The following CDH18 variants were observed in gnomAD, a reference collection of about 807,000 sequenced individuals.
CDH18 encodes the protein cadherin 18.
CDH18 carries 31 observed loss-of-function variants against 67.9 expected under a neutral mutation model. That is an observed-to-expected ratio of 0.46 (90% confidence interval 0.34 to 0.62). The LOEUF (loss-of-function observed/expected upper bound fraction) is 0.62, where lower values mean the gene tolerates loss of function less well. Among genes scored for constraint, CDH18 ranks in the 20% least tolerant of loss-of-function variants. CDH18 has a pLI of 0.01. For missense variants in CDH18, 890 were observed against 975.5 expected (o/e 0.91, Z 1.17); for synonymous variants, 362 against 347.2 (o/e 1.04, Z -0.48).
chr5:20,064,752 C>A (rs555214151), intron 2 of CDH18, among the ~76,000 whole-genome samples: 175 of 152,090 alleles, frequency 1.2e-3, no homozygotes, highest in Admixed American at 1.8e-3. Context: ...CAGTATTAAA[C>A]AGAACAGTGT....
chr5:19,807,130 A>G (rs1778124496), intron 3 of CDH18, among the ~76,000 whole-genome samples: 1 of 152,176 alleles, frequency 6.6e-6, no homozygotes, highest in African/African-American at 2.4e-5. Flanking sequence ...TCAAGAACAC[A>G]TGGATGCAGG....
chr5:20,262,336 A>G (rs1226213720), intron 1 of CDH18, among the ~76,000 whole-genome samples: 3 of 152,224 alleles, frequency 2.0e-5, no homozygotes, highest in Non-Finnish European at 4.4e-5. Context: ...TAACTAGGTC[A>G]GTCCTCTTCA....
At chr5:19,676,407 G>A (rs2100094) in intron 5 of CDH18, among the ~76,000 whole-genome samples, 5,165 of 152,060 alleles carry the variant, frequency 0.034, 278 homozygotes, top group African/African-American at 0.12. Context: ...GGCAGGAGCA[G>A]GGCAGGAGAG....
rs886505964 is a variant in CDH18, at chr5:20,423,872, G to A, written c.-580+151590C>T. Among the ~76,000 whole-genome samples, 6 of 147,810 alleles carry A rather than the reference G, an allele frequency of 4.1e-5. No individual in the cohort carries two copies. In the East Asian group the frequency reaches 5.9e-4, roughly 15 times the overall value. The stretch of plus-strand genomic sequence containing the variant: ...TGAGGCAGGAGAATGGCATGAACCC[G>A]GGAGGTGGAGCTTGCAGTGAGCCGA... On this transcript the variant is annotated intron_variant, in intron 1 of 14. Transcript: ENST00000507958.
intron 1 of CDH18, among the ~76,000 whole-genome samples, chr5:20,549,681 G>A (rs1044120743): frequency 3.9e-5 from 6 of 152,126 alleles, no homozygotes; most frequent in Non-Finnish European, 7.4e-5. Flanking sequence ...GAAGGGTCAC[G>A]AGGCAAGATT....
chr5:20,561,682 T>C (rs1758227207), intron 1 of CDH18, among the ~76,000 whole-genome samples: 1 of 151,978 alleles, frequency 6.6e-6, no homozygotes, highest in Non-Finnish European at 1.5e-5. Context: ...ATACATGTCA[T>C]TATATATTTG....
At chr5:19,776,387 G>A (rs1326352646) in intron 3 of CDH18, among the ~76,000 whole-genome samples, 1 of 152,158 alleles carries the variant, frequency 6.6e-6, no homozygotes, top group Non-Finnish European at 1.5e-5. Context: ...TACAGGAAGA[G>A]ATTCAAAGCA....
intron 1 of CDH18, among the ~76,000 whole-genome samples, chr5:20,407,827 C>T (rs1325421867): frequency 6.6e-6 from 1 of 151,628 alleles, no homozygotes; most frequent in Non-Finnish European, 1.5e-5. Context: ...GAGGAAAGGA[C>T]AGAAAACTTA....
intron 1 of CDH18, among the ~76,000 whole-genome samples, chr5:20,546,874 C>A (rs1446576618): frequency 6.6e-6 from 1 of 152,074 alleles, no homozygotes; most frequent in Non-Finnish European, 1.5e-5. Flanking sequence ...TCTCTTCTTG[C>A]AAATACAATA....
intron 2 of CDH18, among the ~76,000 whole-genome samples, chr5:20,237,920 T>C (rs1287391861): frequency 1.3e-5 from 2 of 151,918 alleles, no homozygotes; most frequent in Non-Finnish European, 2.9e-5. Context: ...TTAACCTACA[T>C]TAAATAAGAG....
chr5:19,812,342 T>A (rs1172835776), intron 3 of CDH18, among the ~76,000 whole-genome samples: 1 of 152,118 alleles, frequency 6.6e-6, no homozygotes, highest in Admixed American at 6.6e-5. Context: ...TAACAATAAT[T>A]ATTATTATTT....
chr5:20,095,321 A>C (rs1415212650), intron 2 of CDH18, among the ~76,000 whole-genome samples: 22 of 93,358 alleles, frequency 2.4e-4, no homozygotes, highest in African/African-American at 6.7e-4. Context: ...GAAAGAAAGA[A>C]AGAAAGAAAG....
At chr5:19,835,599 G>T (rs1781537772) in intron 3 of CDH18, among the ~76,000 whole-genome samples, 1 of 152,082 alleles carries the variant, frequency 6.6e-6, no homozygotes, top group Non-Finnish European at 1.5e-5. Flanking sequence ...TAATGGCACA[G>T]AAGGGAATTA....
At chr5:20,100,377 T>G (rs1746351084) in intron 2 of CDH18, among the ~76,000 whole-genome samples, 1 of 152,172 alleles carries the variant, frequency 6.6e-6, no homozygotes, top group African/African-American at 2.4e-5. Context: ...ACAATAAAAT[T>G]GTCATAAAAC....
At chr5:20,174,006 A>G (rs373553705) in intron 2 of CDH18, among the ~76,000 whole-genome samples, 5 of 152,294 alleles carry the variant, frequency 3.3e-5, no homozygotes, top group Non-Finnish European at 7.4e-5. Context: ...TTTAGGAATG[A>G]AAAGCAAAGA....
intron 2 of CDH18, among the ~76,000 whole-genome samples, chr5:20,209,522 T>C (rs1376545807): frequency 6.6e-6 from 1 of 152,034 alleles, no homozygotes; most frequent in East Asian, 1.9e-4. Flanking sequence ...TGGTCACTCA[T>C]ACGTGGGAGC....
intron 8 of CDH18, among the ~76,000 whole-genome samples, chr5:19,564,069 C>T (rs1435461539): frequency 6.6e-6 from 1 of 152,200 alleles, no homozygotes; most frequent in Non-Finnish European, 1.5e-5. Flanking sequence ...ACCCAGTGGT[C>T]AAAACCTGAG....
intron 2 of CDH18, among the ~76,000 whole-genome samples, chr5:20,239,478 A>G (rs1742725889): frequency 6.6e-6 from 1 of 152,154 alleles, no homozygotes; most frequent in African/African-American, 2.4e-5. Flanking sequence ...AATTAAATAA[A>G]TAAAGAAGTT....
chr5:19,871,801 C>T (rs1581728827), intron 2 of CDH18, among the ~76,000 whole-genome samples: 1 of 152,040 alleles, frequency 6.6e-6, no homozygotes, highest in East Asian at 1.9e-4. Flanking sequence ...GTAGTTTTTG[C>T]TACTTTCAGC....
Sources: gnomAD v4.1 joint callset for allele counts (sites outside exome capture counted in the v4.1 genomes callset) on GRCh38, gnomAD v4.1.1 for gene constraint, MANE v1.5 for transcripts, NCBI Gene and HGNC (gene_info 2026-07-23, HGNC 2026-07-21) for gene names.